ZNF385D: variants seen among roughly 807,000 people sequenced by gnomAD.
ZNF385D encodes the protein zinc finger protein 659.
In ZNF385D, 15 loss-of-function variants were observed where a neutral mutation model predicts 35.8. The ratio of observed to expected loss-of-function variants is 0.42; its 90% confidence interval spans 0.28 to 0.64. The LOEUF is 0.64. Among genes scored for constraint, ZNF385D ranks in the 30% least tolerant of loss-of-function variants. The pLI is 0.23. For missense variants in ZNF385D, 474 were observed against 494.6 expected (o/e 0.96, Z 0.39); for synonymous variants, 212 against 186.8 (o/e 1.13, Z -1.10).
At chr3:22,129,852 A>G (rs114708953) in intron 3 of ZNF385D, among the ~76,000 whole-genome samples, 4,591 of 151,960 alleles carry the variant, frequency 0.03, 235 homozygotes, top group African/African-American at 0.11. Context: ...AAGTTGTAAG[A>G]CCCTTCCCTC....
At chr3:21,590,627 T>G (rs2063946992) in intron 2 of ZNF385D, among the ~76,000 whole-genome samples, 1 of 152,140 alleles carries the variant, frequency 6.6e-6, no homozygotes, top group African/African-American at 2.4e-5. Context: ...TCATTTAGTA[T>G]AGTCACAATT....
At chr3:22,058,330 G>T (rs1183833891) in intron 3 of ZNF385D, among the ~76,000 whole-genome samples, 1 of 152,260 alleles carries the variant, frequency 6.6e-6, no homozygotes, top group East Asian at 1.9e-4. Context: ...TCAACAAGCC[G>T]CCCCTATTGT....
chr3:21,461,825 G>A (rs73044450), intron 4 of ZNF385D, among the ~76,000 whole-genome samples: 40,248 of 152,042 alleles, frequency 0.26, 6,062 homozygotes, highest in Middle Eastern at 0.42. Context: ...CTTATTGGAT[G>A]GCTACAAATG....
chr3:22,141,102 A>G (rs1439204986), intron 3 of ZNF385D, among the ~76,000 whole-genome samples: 1 of 152,230 alleles, frequency 6.6e-6, no homozygotes, highest in Non-Finnish European at 1.5e-5. Flanking sequence ...AACTATTTAA[A>G]AGGCAACATA....
chr3:22,205,296 T>C (rs1156742363), intron 2 of ZNF385D, among the ~76,000 whole-genome samples: 1 of 151,202 alleles, frequency 6.6e-6, no homozygotes, highest in Non-Finnish European at 1.5e-5. Context: ...TAAGAAGAAA[T>C]AAAGATTTTC....
intron 2 of ZNF385D, among the ~76,000 whole-genome samples, chr3:22,327,967 G>C (rs1403109524): frequency 1.3e-5 from 2 of 152,140 alleles, no homozygotes; most frequent in African/African-American, 4.8e-5. Flanking sequence ...GTAACATTAA[G>C]CGCCTAATAT....
intron 3 of ZNF385D, among the ~76,000 whole-genome samples, chr3:21,908,298 T>C (rs537410072): frequency 3.6e-4 from 55 of 152,122 alleles, no homozygotes; most frequent in African/African-American, 1.3e-3. Context: ...AATTCCAGGA[T>C]GCAAAGCTGC....
chr3:21,988,249 G>C (rs199992229), intron 3 of ZNF385D, among the ~76,000 whole-genome samples: 13 of 117,910 alleles, frequency 1.1e-4, no homozygotes, highest in Admixed American at 2.3e-4. Flanking sequence ...GGCGCTCTGC[G>C]TTTTAGAGTT....
rs1404116665 is a variant in ZNF385D, at chr3:21,520,562, C to T, written c.277-9539G>A. Among the ~76,000 whole-genome samples the T allele has an allele frequency of 3.9e-5, 6 of 152,194 alleles. No homozygotes were observed. In the East Asian group the frequency reaches 9.6e-4, roughly 24 times the overall value. ...CACTTAATGCTGGAAAACCATCTGG[C>T]ACAAACACAAACTATTATTTTTTCT... On this transcript the variant is annotated intron_variant, in intron 3 of 7. Transcript: ENST00000281523.
In ZNF385D at chr3:21,420,602, G is replaced by A. The variant is rs1387473101; in HGVS notation, c.*612C>T. 1.3e-5 allele frequency: 2 copies of A among 152,252 alleles called. No individual in the cohort carries two copies. Among genetic ancestry groups the A allele is most frequent in the Non-Finnish European group, 2.9e-5 (2 of 68,126 alleles). The allele number at this position is 152,252 out of a possible 1,614,324, so 9.4% of individuals were successfully genotyped here. ...TTTGACTGCTTATTGGTATGAAATAGTTGTTCATTCTACCTTTGCAATTCT... is the reference window on the plus strand; with the variant it reads ...TTTGACTGCTTATTGGTATGAAATAATTGTTCATTCTACCTTTGCAATTCT... On this transcript the variant is annotated 3_prime_UTR_variant, in exon 8 of 8. Coordinates refer to ENST00000281523, the MANE Select transcript of ZNF385D (RefSeq NM_024697.3).
intron 3 of ZNF385D, among the ~76,000 whole-genome samples, chr3:21,848,720 G>C (rs1696178969): frequency 6.6e-6 from 1 of 152,018 alleles, no homozygotes; most frequent in African/African-American, 2.4e-5. Flanking sequence ...CGTATAACTA[G>C]TAAGGAAACT....
chr3:21,810,971 C>CGTGTGTGTGTGT (rs139624741), intron 3 of ZNF385D, among the ~76,000 whole-genome samples: 16 of 144,424 alleles, frequency 1.1e-4, no homozygotes, highest in African/African-American at 4.1e-4. Flanking sequence ...TGTGTGTATA[C>CGTGTGTGTGTGT]GTGTGTGTGT....
At chr3:21,513,321 G>C (rs567860109) in intron 3 of ZNF385D, among the ~76,000 whole-genome samples, 5 of 152,218 alleles carry the variant, frequency 3.3e-5, no homozygotes, top group African/African-American at 9.6e-5. Flanking sequence ...ACAGCTCAGG[G>C]AGTTGTGGGA....
intron 3 of ZNF385D, among the ~76,000 whole-genome samples, chr3:21,876,734 A>G (rs1036097046): frequency 6.6e-6 from 1 of 151,820 alleles, no homozygotes; most frequent in African/African-American, 2.4e-5. Context: ...CCAAAACTCA[A>G]TTTTCCTGTT....
At chr3:21,776,368 T>C (rs949589998) in intron 3 of ZNF385D, among the ~76,000 whole-genome samples, 1 of 151,926 alleles carries the variant, frequency 6.6e-6, no homozygotes, top group African/African-American at 2.4e-5. Flanking sequence ...ATCGTGCCAA[T>C]TTACAATCAC....
At chr3:21,719,966 A>G (rs577747554) in intron 1 of ZNF385D, among the ~76,000 whole-genome samples, 1 of 152,260 alleles carries the variant, frequency 6.6e-6, no homozygotes, top group Admixed American at 6.5e-5. Flanking sequence ...CTCTTGGCCT[A>G]TATTTTTTCA....
intron 3 of ZNF385D, among the ~76,000 whole-genome samples, chr3:22,024,660 T>TAG (rs995388647): frequency 1.3e-5 from 2 of 152,148 alleles, no homozygotes; most frequent in Non-Finnish European, 2.9e-5. Flanking sequence ...ATGAACTGTT[T>TAG]AGAGAGTTAT....
chr3:21,433,602 G>C (rs923263734), intron 5 of ZNF385D, among the ~76,000 whole-genome samples: 1 of 152,126 alleles, frequency 6.6e-6, no homozygotes, highest in Admixed American at 6.6e-5. Flanking sequence ...GAGTTCTAAA[G>C]GTGGGGCATT....
At chr3:22,232,775 A>G (rs1321645647) in intron 2 of ZNF385D, among the ~76,000 whole-genome samples, 1 of 152,038 alleles carries the variant, frequency 6.6e-6, no homozygotes. Context: ...TTCTTTACCC[A>G]GTTTGTCATT....
Sources: allele counts gnomAD v4.1 joint callset (sites outside exome capture counted in the v4.1 genomes callset), GRCh38; gene constraint gnomAD v4.1.1; transcripts MANE v1.5; gene names NCBI Gene and HGNC (gene_info 2026-07-23, HGNC 2026-07-21).